Variants in ARHGAP19 observed in about 807,000 individuals in gnomAD.
ARHGAP19 encodes Rho GTPase activating protein 19.
Under a neutral mutation model 60.9 loss-of-function variants are expected in ARHGAP19, and 48 were observed. The ratio of observed to expected loss-of-function variants is 0.79; its 90% CI spans 0.62 to 1.00. ARHGAP19 has a LOEUF of 1.00. ARHGAP19 is among the 50% of genes least tolerant of loss of function. The probability of loss-of-function intolerance (pLI) is 0.00; values close to 1 mark genes in which losing one functional copy is unlikely to be tolerated. For synonymous variants in ARHGAP19, 209 were observed against 215.5 expected (o/e 0.97, Z 0.27); for missense variants, 562 against 597.2 (o/e 0.94, Z 0.61).
intron 8 of ARHGAP19, among the ~76,000 whole-genome samples, chr10:97,240,293 T>A (rs892681988): frequency 1.8e-4 from 28 of 152,344 alleles, no homozygotes; most frequent in African/African-American, 5.8e-4. Flanking sequence ...AAAAACCTAA[T>A]TCCCAAATAT....
intron 1 of ARHGAP19, among the ~76,000 whole-genome samples, chr10:97,267,091 G>C (rs1270768969): frequency 6.6e-6 from 1 of 152,184 alleles, no homozygotes; most frequent in Admixed American, 6.5e-5. Flanking sequence ...CTGCCTATAA[G>C]CCTGCAAAAT....
Position 97,246,288 on chromosome 10 carries a change from C to A in ARHGAP19, c.977G>T (p.Arg326Ile). ...TATTCTTACCTTTGATGCCTGAGTT[C>A]TGGATCCCAAATAGTGCAATCTCGC... ...ECARLHYLGSRTQASKDDLDL... is the reference protein window; with the variant it reads ...ECARLHYLGSITQASKDDLDL... The change falls in exon 7 of 12, where the codon AGA becomes ATA. Residue 326 changes from arginine (R) to isoleucine (I), a missense_variant. Arg to Ile is a moderately conservative substitution (Grantham distance 97). Coordinates refer to ENST00000358531, the MANE Select transcript of ARHGAP19 (RefSeq NM_032900.6). 6.2e-7 allele frequency: 1 copy of A among 1,613,858 alleles called. No homozygotes were observed. The highest frequency in any genetic ancestry group is 8.5e-7 in the Non-Finnish European group (1 of 1,179,904).
At chr10:97,283,500 G>A (rs1843115250) in intron 1 of ARHGAP19, among the ~76,000 whole-genome samples, 1 of 151,884 alleles carries the variant, frequency 6.6e-6, no homozygotes, top group South Asian at 2.1e-4. Flanking sequence ...GCTGCAGCAA[G>A]CTGAGATCAT....
At chr10:97,251,324 AGG>A (rs1225444409) in intron 6 of ARHGAP19, among the ~76,000 whole-genome samples, 1 of 44,790 alleles carries the variant, frequency 2.2e-5, no homozygotes, top group Non-Finnish European at 4.2e-5. Context: ...GGGGAAGGGA[AGG>A]GGAAAGGGAA....
At position 97,235,547 on chromosome 10, in the gene ARHGAP19, G is replaced by A. The variant is rs577439508; in HGVS notation, c.1186-232C>T. 3.3e-5 allele frequency among the ~76,000 whole-genome samples: 5 copies of A among 152,192 alleles called. No homozygotes were observed. The South Asian group carries it at 1.0e-3, about 32-fold the overall frequency. ...CACATTCCTTGAATGTGGAATTACT[G>A]TCCCCATTCTACAGACAAAAAAACT... is the stretch of plus-strand genomic sequence containing the variant. On this transcript the variant is annotated intron_variant, in intron 8 of 11. Transcript: ENST00000358531.
At chr10:97,256,479 T>C (rs1004880857) in intron 5 of ARHGAP19, 75 bp from the exon 6 acceptor site, 1 of 1,076,022 alleles carries the variant, frequency 9.3e-7, no homozygotes, top group African/African-American at 1.6e-5. Flanking sequence ...GCCTGTTCTT[T>C]CAAATGTATG....
At chr10:97,272,319 G>A (rs1222965919) in intron 1 of ARHGAP19, among the ~76,000 whole-genome samples, 4 of 151,882 alleles carry the variant, frequency 2.6e-5, no homozygotes. Context: ...TATTTTAGTA[G>A]AGATGGGATT....
intron 6 of ARHGAP19, among the ~76,000 whole-genome samples, chr10:97,251,086 AAAGGGGAAGGGGAAAAGG>A (rs1246344368): frequency 7.0e-6 from 1 of 141,964 alleles, no homozygotes; most frequent in Non-Finnish European, 1.5e-5. Context: ...GAAGGAAGGG[AAAGGGGAAGGGGAAAAGG>A]AAGGGGAAGG....
At chr10:97,226,153 G>A (rs1850890841) in intron 11 of ARHGAP19, 21 bp from the exon 12 acceptor site, 2 of 1,613,188 alleles carry the variant, frequency 1.2e-6, no homozygotes, top group Non-Finnish European at 1.7e-6. Flanking sequence ...GGAAAAACAA[G>A]AGCGTTAGAC....
chr10:97,274,819 A>G (rs1274624237), intron 1 of ARHGAP19, among the ~76,000 whole-genome samples: 1 of 152,198 alleles, frequency 6.6e-6, no homozygotes, highest in Non-Finnish European at 1.5e-5. Context: ...GGCATACAGA[A>G]ATAACAAGGG....
chr10:97,261,730 C>A (rs764067052), intron 4 of ARHGAP19, among the ~76,000 whole-genome samples: 4 of 151,992 alleles, frequency 2.6e-5, no homozygotes, highest in Non-Finnish European at 5.9e-5. Context: ...TCTTCTATTT[C>A]TTTTCCATAT....
intron 6 of ARHGAP19, among the ~76,000 whole-genome samples, chr10:97,250,987 TG>T (rs1319013779): frequency 6.6e-6 from 1 of 150,408 alleles, no homozygotes; most frequent in Non-Finnish European, 1.5e-5. Context: ...CGCTTGAGCC[TG>T]GGAAGTCAAA....
chr10:97,289,027 C>G (rs1313461493), intron 1 of ARHGAP19, among the ~76,000 whole-genome samples: 1 of 151,402 alleles, frequency 6.6e-6, no homozygotes, highest in Admixed American at 6.6e-5. Flanking sequence ...CTGTGTTAGC[C>G]AGGATGGTCT....
intron 2 of ARHGAP19, among the ~76,000 whole-genome samples, 158 bp from the exon 3 acceptor site, chr10:97,265,064 G>T (rs1036613864): frequency 3.9e-5 from 6 of 152,122 alleles, no homozygotes; most frequent in African/African-American, 1.4e-4. Context: ...CAGAAAACGC[G>T]AGCAGGACAA....
At chr10:97,261,250 T>C (rs1023329376) in intron 4 of ARHGAP19, among the ~76,000 whole-genome samples, 9 of 152,220 alleles carry the variant, frequency 5.9e-5, no homozygotes, top group Non-Finnish European at 1.0e-4. Context: ...TTTAAGCTGT[T>C]TAACCTCAAT....
At chr10:97,279,216 A>C (rs1345684026) in intron 1 of ARHGAP19, among the ~76,000 whole-genome samples, 1 of 152,214 alleles carries the variant, frequency 6.6e-6, no homozygotes, top group African/African-American at 2.4e-5. Flanking sequence ...CAGGCCCTAC[A>C]TGTCCAAGCT....
chr10:97,261,032 G>A (rs1842823928), intron 4 of ARHGAP19, among the ~76,000 whole-genome samples: 1 of 150,802 alleles, frequency 6.6e-6, no homozygotes, highest in Non-Finnish European at 1.5e-5. Flanking sequence ...AAAGAAAAAT[G>A]AGAATGAAAA....
chr10:97,234,118 T>G (rs1851083473), intron 9 of ARHGAP19, among the ~76,000 whole-genome samples: 1 of 151,430 alleles, frequency 6.6e-6, no homozygotes, highest in African/African-American at 2.4e-5. Context: ...AAGGCAAAAA[T>G]TAGCTGGGCA....
At position 97,246,447 on chromosome 10, in the gene ARHGAP19, T is replaced by A. The variant is rs769838488; in HGVS notation, c.928-110A>T. Reference sequence around the variant, plus strand: ...AATCATTTGACCAGCAGATTACTTTTAAAAAGCCAAAGATCCTCAAAATTC... The same window carrying A: ...AATCATTTGACCAGCAGATTACTTTAAAAAAGCCAAAGATCCTCAAAATTC... On this transcript the variant is annotated intron_variant, in intron 6 of 11. Coordinates refer to ENST00000358531, the MANE Select transcript of ARHGAP19 (RefSeq NM_032900.6). 217 of 847,880 alleles carry A rather than the reference T, an allele frequency of 2.6e-4. 2 individuals are homozygous for A. Among genetic ancestry groups the A allele is most frequent in the Non-Finnish European group, 3.9e-4 (207 of 530,566 alleles). 52.5% of individuals were successfully genotyped at this position (847,880 alleles called of 1,614,324 possible).
Sources: allele counts gnomAD v4.1 joint callset (sites outside exome capture counted in the v4.1 genomes callset), GRCh38; gene constraint gnomAD v4.1.1; transcripts MANE v1.5; gene names NCBI Gene and HGNC (gene_info 2026-07-23, HGNC 2026-07-21).